Variants in ERLEC1 observed in about 807,000 individuals in gnomAD.
ERLEC1 encodes ER lectin.
In ERLEC1, 47 loss-of-function variants were observed where a neutral mutation model predicts 68.0. That is an observed-to-expected ratio of 0.69 (90% CI 0.55 to 0.88). The LOEUF (loss-of-function observed/expected upper bound fraction) is 0.88, where lower values mean the gene tolerates loss of function less well. Ranked by LOEUF, ERLEC1 falls within the 40% of genes least tolerant of loss-of-function variation. ERLEC1 has a pLI of 0.00. For missense variants in ERLEC1, 567 were observed against 583.8 expected, an observed-to-expected ratio of 0.97 and a Z score of 0.30; for synonymous variants, 225 against 203.2, an observed-to-expected ratio of 1.11 and a Z score of -0.91.
intron 13 of ERLEC1, among the ~76,000 whole-genome samples, chr2:53,817,159 A>C (rs1360701144): frequency 6.8e-6 from 1 of 147,800 alleles, no homozygotes; most frequent in East Asian, 2.0e-4. Context: ...TTTGAGACAG[A>C]GTCTCGCTCT....
chr2:53,813,339 A>G (rs1473012225), intron 11 of ERLEC1, among the ~76,000 whole-genome samples: 1 of 151,988 alleles, frequency 6.6e-6, no homozygotes, highest in African/African-American at 2.4e-5. Context: ...TTTATCTCTC[A>G]CTTTTGTTGT....
intron 7 of ERLEC1, 37 bp downstream of exon 7, chr2:53,801,657 A>C (rs371108781): frequency 1.2e-6 from 2 of 1,613,060 alleles, no homozygotes; most frequent in Non-Finnish European, 1.7e-6. Flanking sequence ...CATAAAATGC[A>C]CACATGCTTT....
Position 53,801,384 on chromosome 2 carries a change from CT to C in ERLEC1, c.526-4del, listed in dbSNP as rs767304609. ...TCTAATGAAAAGTCTGTCTTATACT[CT>C]TTTTTTTTAAGATTCCCACTAAAAA... is the stretch of plus-strand genomic sequence containing the variant. On this transcript the variant is annotated splice_polypyrimidine_tract_variant and intron_variant, in intron 6 of 13. Transcript: ENST00000185150. 121 of 1,578,046 alleles carry C rather than the reference CT, an allele frequency of 7.7e-5. No homozygotes were observed. Among genetic ancestry groups the C allele is most frequent in the Middle Eastern group, 1.7e-4 (1 of 5,950 alleles).
intron 2 of ERLEC1, among the ~76,000 whole-genome samples, chr2:53,795,052 A>G (rs1261800753): frequency 3.9e-5 from 6 of 152,206 alleles, no homozygotes; most frequent in Non-Finnish European, 1.5e-5. Context: ...TTAAATGTAT[A>G]TGTGACTTTT....
intron 13 of ERLEC1, 63 bp from the exon 14 acceptor site, chr2:53,817,835 C>T (rs780839064): frequency 8.5e-5 from 78 of 919,118 alleles, no homozygotes; most frequent in Middle Eastern, 8.3e-4. Flanking sequence ...ATCCATTCAG[C>T]AGAATAGTAC....
At chr2:53,808,639 A>T (rs1487991645) in intron 9 of ERLEC1, among the ~76,000 whole-genome samples, 179 bp downstream of exon 9, 2 of 152,140 alleles carry the variant, frequency 1.3e-5, no homozygotes, top group Admixed American at 1.3e-4. Flanking sequence ...AATCTAATCC[A>T]TAGCTTTTAT....
In ERLEC1 at chr2:53,787,122, G is replaced by GGCCCCC; in HGVS notation, c.-89_-88insGCCCCC. The GGCCCCC allele has an allele frequency of 7.4e-7, 1 of 1,359,798 alleles. No homozygotes were observed. The highest frequency in any genetic ancestry group is 9.6e-7 in the Non-Finnish European group (1 of 1,042,448). 84.2% of individuals were successfully genotyped at this position (1,359,798 alleles called of 1,614,324 possible). A position where few individuals can be genotyped will look rare whatever the true frequency, so the allele number is the denominator to read the frequency against. On this transcript the variant is annotated 5_prime_UTR_variant, in exon 1 of 14. Coordinates refer to ENST00000185150, the MANE Select transcript of ERLEC1 (RefSeq NM_015701.5). ...TGATACCCGGGCGCTTTATAGTCCC[G>GGCCCCC]CCGCCTCCTCCTCCACCTCCTCCTC... is the stretch of plus-strand genomic sequence containing the variant.
At chr2:53,796,909 T>G (rs1675740930) in intron 3 of ERLEC1, among the ~76,000 whole-genome samples, 2 of 148,354 alleles carry the variant, frequency 1.3e-5, no homozygotes, top group Admixed American at 6.7e-5. Context: ...TTTTTTTTTT[T>G]GAGACAGAGT....
chr2:53,806,492 T>C (rs1472684558), intron 8 of ERLEC1, among the ~76,000 whole-genome samples: 1 of 152,208 alleles, frequency 6.6e-6, no homozygotes, highest in Non-Finnish European at 1.5e-5. Context: ...ATTTGCCTCA[T>C]TTTTAATACG....
chr2:53,816,491 A>G (rs1374810401), intron 13 of ERLEC1, among the ~76,000 whole-genome samples: 1 of 150,816 alleles, frequency 6.6e-6, no homozygotes, highest in Non-Finnish European at 1.5e-5. Flanking sequence ...CTAGTCTCGA[A>G]CTCCTGACCT....
chr2:53,808,492 T>G, intron 9 of ERLEC1, 32 bp downstream of exon 9: 1 of 1,605,158 alleles, frequency 6.2e-7, no homozygotes, highest in Non-Finnish European at 8.5e-7. Flanking sequence ...TAAATATTTA[T>G]TTTACAACTT....
intron 6 of ERLEC1, among the ~76,000 whole-genome samples, chr2:53,800,753 C>T (rs568043965): frequency 6.6e-6 from 1 of 152,020 alleles, no homozygotes; most frequent in Non-Finnish European, 1.5e-5. Flanking sequence ...AGGTTCTATC[C>T]TTTATTCCTT....
At chr2:53,799,210 G>A in intron 6 of ERLEC1, 129 bp downstream of exon 6, 2 of 741,900 alleles carry the variant, frequency 2.7e-6, no homozygotes, top group Admixed American at 2.7e-5. Context: ...TTGAAGGACT[G>A]GGTCAAAGAA....
intron 1 of ERLEC1, among the ~76,000 whole-genome samples, chr2:53,788,165 C>T (rs938784301): frequency 2.0e-4 from 30 of 152,284 alleles, no homozygotes; most frequent in African/African-American, 7.2e-4. Flanking sequence ...AACTCATTTA[C>T]TTCAAATTGA....
At position 53,818,606 on chromosome 2, in the gene ERLEC1, A is replaced by T. The variant is rs1677021846; in HGVS notation, c.*637A>T. The T allele has an allele frequency of 6.6e-6, 1 of 152,106 alleles. No homozygotes were observed. Among genetic ancestry groups the T allele is most frequent in the South Asian group, 2.1e-4 (1 of 4,824 alleles). 9.4% of individuals were successfully genotyped at this position (152,106 alleles called of 1,614,324 possible). ...TTTTATCTATTACTTTTTTCTTCTT[A>T]TGAGTATGTTTACTCTCAGAGTATC... On this transcript the variant is annotated 3_prime_UTR_variant, in exon 14 of 14. Coordinates refer to ENST00000185150, the MANE Select transcript of ERLEC1 (RefSeq NM_015701.5).
At chr2:53,808,962 CCTGACTCTTAGTACT>C (rs530663865) in intron 9 of ERLEC1, among the ~76,000 whole-genome samples, 2 of 152,256 alleles carry the variant, frequency 1.3e-5, no homozygotes, top group African/African-American at 4.8e-5. Context: ...AAATTTTGAC[CCTGACTCTTAGTACT>C]AGTGGGAAAT....
chr2:53,797,545 C>A lies in ERLEC1; in HGVS notation c.379C>A (p.His127Asn). The A allele has an allele frequency of 6.2e-7, 1 of 1,612,696 alleles. No individual in the cohort carries two copies. The highest frequency in any genetic ancestry group is 1.1e-5 in the South Asian group (1 of 90,528). Residue 127 changes from histidine to asparagine, a missense_variant, in exon 4 of 14, where the codon CAT (histidine) becomes AAT (asparagine). By Grantham distance (68) the His-to-Asn change is moderately conservative (BLOSUM62 1). Transcript: ENST00000185150. Reference protein sequence around the residue: ...IESYWTYEVCHGKHIRQYHEE... With the variant: ...IESYWTYEVCNGKHIRQYHEE... ...GTCTTATTGGACTTACGAAGTATGT[C>A]ATGGAAAACACATTCGGCAGTACCA...
At chr2:53,805,659 G>C (rs556149956) in intron 8 of ERLEC1, among the ~76,000 whole-genome samples, 1 of 152,296 alleles carries the variant, frequency 6.6e-6, no homozygotes, top group Admixed American at 6.5e-5. Context: ...TTTGGGTATA[G>C]ACCCAGCAGT....
At chr2:53,792,037 G>T (rs1675431412) in intron 1 of ERLEC1, among the ~76,000 whole-genome samples, 1 of 151,770 alleles carries the variant, frequency 6.6e-6, no homozygotes, top group Admixed American at 6.6e-5. Flanking sequence ...TCAGCCTCCC[G>T]AGTAGCTGGG....
Sources: gnomAD v4.1 joint callset for allele counts (sites outside exome capture counted in the v4.1 genomes callset) on GRCh38, gnomAD v4.1.1 for gene constraint, MANE v1.5 for transcripts, NCBI Gene and HGNC (gene_info 2026-07-23, HGNC 2026-07-21) for gene names.